The following DENND1B variants were observed in gnomAD, a reference collection of about 807,000 sequenced individuals.
The protein encoded by DENND1B is DENN domain containing 1B.
DENND1B carries 59 observed loss-of-function variants against 90.1 expected under a neutral mutation model. The ratio of observed to expected loss-of-function variants is 0.65; its 90% CI spans 0.53 to 0.81. The LOEUF is 0.81. Among genes scored for constraint, DENND1B ranks in the 40% least tolerant of loss-of-function variants. DENND1B has a pLI of 0.00. For synonymous variants in DENND1B, 337 were observed against 324.6 expected, an observed-to-expected ratio of 1.04 and a Z score of -0.41; for missense variants, 862 against 912.6, an observed-to-expected ratio of 0.94 and a Z score of 0.71.
intron 10 of DENND1B, among the ~76,000 whole-genome samples, chr1:197,638,954 T>TGTG (rs1341347994): frequency 6.6e-6 from 1 of 152,138 alleles, no homozygotes; most frequent in Non-Finnish European, 1.5e-5. Flanking sequence ...AATACCACAC[T>TGTG]TTAAAATATA....
chr1:197,600,855 A>G (rs1414202669), intron 13 of DENND1B, among the ~76,000 whole-genome samples: 2 of 151,742 alleles, frequency 1.3e-5, no homozygotes, highest in African/African-American at 4.8e-5. Context: ...GGTTCCTGCC[A>G]CGTCATAAGA....
intron 20 of DENND1B, among the ~76,000 whole-genome samples, chr1:197,514,312 A>G (rs564676160): frequency 6.6e-6 from 1 of 151,710 alleles, no homozygotes; most frequent in East Asian, 1.9e-4. Flanking sequence ...CCTTTTAACA[A>G]TTTTGAGAGT....
intron 20 of DENND1B, among the ~76,000 whole-genome samples, chr1:197,514,026 GGT>G (rs1211451821): frequency 6.6e-6 from 1 of 151,522 alleles, no homozygotes; most frequent in Non-Finnish European, 1.5e-5. Flanking sequence ...TCTCATTTTT[GGT>G]GGTACTAAGA....
At chr1:197,548,957 C>T (rs2125676593) in intron 16 of DENND1B, among the ~76,000 whole-genome samples, 1 of 152,110 alleles carries the variant, frequency 6.6e-6, no homozygotes, top group African/African-American at 2.4e-5. Context: ...TTAAATTTTA[C>T]TGCTTTTATG....
intron 5 of DENND1B, among the ~76,000 whole-genome samples, chr1:197,665,680 T>C (rs1400677164): frequency 2.6e-5 from 4 of 152,170 alleles, no homozygotes; most frequent in Non-Finnish European, 5.9e-5. Flanking sequence ...TTAAAGCTTC[T>C]TAAATGTATG....
rs1475157341 is a variant in DENND1B, at chr1:197,505,609, T to C, written c.*4851A>G. Reference sequence around the variant, plus strand: ...TTTTTTGGTATGTCTGCATGTTGCATCCAGAGCTACAGATTTTCCACAGTG... The same window carrying C: ...TTTTTTGGTATGTCTGCATGTTGCACCCAGAGCTACAGATTTTCCACAGTG... On this transcript the variant is annotated 3_prime_UTR_variant, in exon 23 of 23. Coordinates refer to ENST00000620048, the MANE Select transcript of DENND1B (RefSeq NM_001195215.2). The C allele has an allele frequency of 6.6e-6, 1 of 151,608 alleles. No individual in the cohort carries two copies. The highest frequency in any genetic ancestry group is 1.5e-5 in the Non-Finnish European group (1 of 67,698). 9.4% of individuals were successfully genotyped at this position (151,608 alleles called of 1,614,324 possible). A position where few individuals can be genotyped will look rare whatever the true frequency, so the allele number is the denominator to read the frequency against.
At chr1:197,575,073 G>A (rs1427622188) in intron 15 of DENND1B, among the ~76,000 whole-genome samples, 2 of 152,070 alleles carry the variant, frequency 1.3e-5, no homozygotes, top group African/African-American at 4.8e-5. Context: ...GGCAACAAAA[G>A]CCAAAATAGA....
At chr1:197,558,858 T>C (rs974150976) in intron 15 of DENND1B, among the ~76,000 whole-genome samples, 4 of 151,972 alleles carry the variant, frequency 2.6e-5, no homozygotes, top group Non-Finnish European at 5.9e-5. Context: ...CAGTAAGTAA[T>C]ACTGTTAAAT....
intron 14 of DENND1B, among the ~76,000 whole-genome samples, chr1:197,589,015 C>A (rs1245010652): frequency 2.6e-5 from 4 of 152,004 alleles, no homozygotes; most frequent in African/African-American, 9.7e-5. Context: ...TATGATTCAG[C>A]AACTTAAGAC....
At chr1:197,738,246 G>C (rs1310834579) in intron 2 of DENND1B, among the ~76,000 whole-genome samples, 1 of 152,202 alleles carries the variant, frequency 6.6e-6, no homozygotes, top group Non-Finnish European at 1.5e-5. Context: ...AACCAATGCT[G>C]AATTTTGAAT....
rs1253650318 is a variant in DENND1B at position 197,642,855 on chromosome 1, GC to G, written c.562-35del. 8.1e-6 allele frequency: 12 copies of G among 1,482,246 alleles called. No individual in the cohort carries two copies. The African/African-American group carries it at 1.4e-4, about 17-fold the overall frequency. 91.8% of individuals were successfully genotyped at this position (1,482,246 alleles called of 1,614,324 possible). On this transcript the variant is annotated intron_variant, in intron 9 of 22. Coordinates refer to ENST00000620048, the MANE Select transcript of DENND1B (RefSeq NM_001195215.2). ...GTAAAAGATAATTGTGTAAGTTACA[GC>G]TCATAGTGAATGTGAAGAAAAACAT...
chr1:197,656,633 G>T (rs1438827856), intron 6 of DENND1B, among the ~76,000 whole-genome samples: 1 of 151,710 alleles, frequency 6.6e-6, no homozygotes, highest in Non-Finnish European at 1.5e-5. Flanking sequence ...GACTCTATCT[G>T]TACAAAAAAA....
intron 9 of DENND1B, among the ~76,000 whole-genome samples, chr1:197,643,230 T>C (rs140471321): frequency 0.025 from 3,772 of 151,934 alleles, 158 homozygotes; most frequent in African/African-American, 0.085. Context: ...TCTTGGCTCA[T>C]TGCAACCTCC....
At chr1:197,568,536 A>G (rs1672883351) in intron 15 of DENND1B, among the ~76,000 whole-genome samples, 1 of 152,176 alleles carries the variant, frequency 6.6e-6, no homozygotes, top group South Asian at 2.1e-4. Context: ...GACCTCAAAT[A>G]GACAAAACAA....
At position 197,775,127 on chromosome 1, in the gene DENND1B, C is replaced by G. The variant is rs1197737837; in HGVS notation, c.17+12G>C. 8 of 1,283,526 alleles carry G rather than the reference C, an allele frequency of 6.2e-6. No individual in the cohort carries two copies. The highest frequency in any genetic ancestry group is 6.0e-6 in the Non-Finnish European group (6 of 1,003,766). The allele number at this position is 1,283,526 out of a possible 1,614,324, so 79.5% of individuals were successfully genotyped here. A position where few individuals can be genotyped will look rare whatever the true frequency, so the allele number is the denominator to read the frequency against. ...ACGCCCGCCCCCGACGCGCCCGGGCCCCCCCACTCACTTGGTCCTGCAGTC... is the reference window on the plus strand; with the variant it reads ...ACGCCCGCCCCCGACGCGCCCGGGCGCCCCCACTCACTTGGTCCTGCAGTC... On this transcript the variant is annotated intron_variant, in intron 1 of 22. Coordinates refer to ENST00000620048, the MANE Select transcript of DENND1B (RefSeq NM_001195215.2).
chr1:197,593,408 A>G (rs1675411350), intron 14 of DENND1B, among the ~76,000 whole-genome samples: 2 of 151,766 alleles, frequency 1.3e-5, no homozygotes, highest in Admixed American at 1.3e-4. Flanking sequence ...AAATGTAAAA[A>G]GAAAAAAATG....
intron 11 of DENND1B, among the ~76,000 whole-genome samples, chr1:197,613,821 T>C (rs2125853610): frequency 6.6e-6 from 1 of 151,108 alleles, no homozygotes; most frequent in East Asian, 2.0e-4. Context: ...GTTAGTTTAT[T>C]CTATTCACAA....
At chr1:197,770,686 C>CTATAAATATATATCTATAAATA (rs1656376856) in intron 2 of DENND1B, among the ~76,000 whole-genome samples, 7 of 131,558 alleles carry the variant, frequency 5.3e-5, no homozygotes, top group Non-Finnish European at 9.6e-5. Flanking sequence ...ATATACATAT[C>CTATAAATATATATCTATAAATA]TATAAATATA....
intron 15 of DENND1B, among the ~76,000 whole-genome samples, chr1:197,575,633 G>A (rs1217860855): frequency 6.6e-6 from 1 of 152,174 alleles, no homozygotes; most frequent in African/African-American, 2.4e-5. Context: ...ATATGCACAT[G>A]TATGTTTATT....
Sources: gnomAD v4.1 joint callset for allele counts (sites outside exome capture counted in the v4.1 genomes callset) on GRCh38, gnomAD v4.1.1 for gene constraint, MANE v1.5 for transcripts, NCBI Gene and HGNC (gene_info 2026-07-23, HGNC 2026-07-21) for gene names.